Variants in PNO1 observed in about 807,000 individuals in gnomAD.
PNO1 encodes the protein RNA-binding protein PNO1.
In PNO1, 16 loss-of-function variants were observed where a neutral mutation model predicts 28.4. That is an observed-to-expected ratio of 0.56 (90% CI 0.38 to 0.85). The LOEUF (loss-of-function observed/expected upper bound fraction) is 0.85. PNO1 is among the 40% of genes least tolerant of loss of function. PNO1 has a pLI of 0.00. For synonymous variants in PNO1, 115 were observed against 110.8 expected (o/e 1.04, Z -0.24); for missense variants, 304 against 312.2 (o/e 0.97, Z 0.20).
At position 68,165,662 on chromosome 2, in the gene PNO1, G is replaced by A. The variant is rs114235170; in HGVS notation, c.620+2999G>A. 6.0e-3 allele frequency among the ~76,000 whole-genome samples: 901 copies of A among 150,676 alleles called. 5 individuals are homozygous for A. Among genetic ancestry groups the A allele is most frequent in the African/African-American group, 0.021 (864 of 40,870 alleles). ...TTAGGAATTCGAAACCAGCCTGGGCGACAGTGAGACTCTGTCTCAAAAAAA... is the reference window on the plus strand; with the variant it reads ...TTAGGAATTCGAAACCAGCCTGGGCAACAGTGAGACTCTGTCTCAAAAAAA... On this transcript the variant is annotated intron_variant, in intron 5 of 6. Coordinates refer to ENST00000263657, the MANE Select transcript of PNO1 (RefSeq NM_020143.4).
At chr2:68,164,894 C>T (rs1673935193) in intron 5 of PNO1, among the ~76,000 whole-genome samples, 1 of 152,180 alleles carries the variant, frequency 6.6e-6, no homozygotes, top group Non-Finnish European at 1.5e-5. Context: ...AATTAATGAT[C>T]TCATAAGTCA....
At chr2:68,167,162 A>G (rs1055060973) in intron 5 of PNO1, among the ~76,000 whole-genome samples, 1 of 152,170 alleles carries the variant, frequency 6.6e-6, no homozygotes, top group Non-Finnish European at 1.5e-5. Context: ...CTTCCATAGC[A>G]TTGACACTAT....
At chr2:68,158,615 G>A (rs575579106) in intron 2 of PNO1, 86 bp downstream of exon 2, 23 of 1,190,850 alleles carry the variant, frequency 1.9e-5, no homozygotes, top group Middle Eastern at 2.9e-4. Flanking sequence ...TACTTAATGG[G>A]ACTTTTCTGT....
chr2:68,159,072 C>G (rs936608874), intron 2 of PNO1, among the ~76,000 whole-genome samples: 2 of 152,138 alleles, frequency 1.3e-5, no homozygotes, highest in Non-Finnish European at 1.5e-5. Context: ...ACTTGATCTG[C>G]ATTGCCGGTA....
At chr2:68,165,878 C>T (rs927978098) in intron 5 of PNO1, among the ~76,000 whole-genome samples, 3 of 152,058 alleles carry the variant, frequency 2.0e-5, no homozygotes, top group South Asian at 2.1e-4. Flanking sequence ...TTAAGTATCC[C>T]GTTCAATGAG....
At chr2:68,167,580 A>C (rs764191003) in intron 5 of PNO1, among the ~76,000 whole-genome samples, 1 of 152,156 alleles carries the variant, frequency 6.6e-6, no homozygotes, top group Admixed American at 6.6e-5. Context: ...TCCTGCATTA[A>C]ATCCTGGTGT....
At chr2:68,159,208 C>A (rs998347854) in intron 2 of PNO1, among the ~76,000 whole-genome samples, 1 of 151,882 alleles carries the variant, frequency 6.6e-6, no homozygotes, top group African/African-American at 2.4e-5. Context: ...TAATGGTGCT[C>A]TTTTGATTAA....
At chr2:68,172,967 G>C (rs1674168818) in intron 5 of PNO1, 1 of 167,544 alleles carries the variant, frequency 6.0e-6, no homozygotes, top group Admixed American at 6.4e-5. Flanking sequence ...TATATTCATG[G>C]AGTTGTGCAG....
intron 6 of PNO1, among the ~76,000 whole-genome samples, chr2:68,174,388 A>G (rs999233291): frequency 6.7e-6 from 1 of 148,448 alleles, no homozygotes; most frequent in Admixed American, 6.9e-5. Context: ...CTCTGTCTGC[A>G]AGGTCCACAT....
chr2:68,160,538 T>C (rs1228577719), intron 2 of PNO1, among the ~76,000 whole-genome samples: 7 of 152,244 alleles, frequency 4.6e-5, no homozygotes, highest in Non-Finnish European at 1.0e-4. Flanking sequence ...TTGTCCTATT[T>C]ATTGCAGGAT....
chr2:68,173,686 G>A (rs1398133174), intron 6 of PNO1, among the ~76,000 whole-genome samples: 4 of 148,666 alleles, frequency 2.7e-5, no homozygotes, highest in Non-Finnish European at 4.4e-5. Flanking sequence ...AAGTTCAAGC[G>A]ATTCTCCTGC....
Position 68,162,295 on chromosome 2 carries a change from C to G in PNO1, c.472C>G (p.Leu158Val). The part of the protein sequence containing the change: ...DALALIRLDD[L>V]FLESFEITDV... ...ACTTGCCCTCATCAGGTTGGATGAC[C>G]TCTTCCTAGAGTCTTTTGAAATTAC... The change falls in exon 4 of 7, where the codon CTC becomes GTC. Residue 158 changes from leucine to valine, a missense_variant. Leu to Val is a conservative substitution (Grantham distance 32). Transcript: ENST00000263657. 1 of 1,613,226 alleles carries G rather than the reference C, an allele frequency of 6.2e-7. No individual in the cohort carries two copies. Among genetic ancestry groups the G allele is most frequent in the Non-Finnish European group, 8.5e-7 (1 of 1,179,320 alleles).
At chr2:68,163,542 T>TA (rs1673893300) in intron 5 of PNO1, among the ~76,000 whole-genome samples, 2 of 135,252 alleles carry the variant, frequency 1.5e-5, no homozygotes, top group African/African-American at 5.7e-5. Context: ...AATAAATAAA[T>TA]ACATACATAC....
At chr2:68,163,186 A>G (rs543147535) in intron 5 of PNO1, among the ~76,000 whole-genome samples, 6 of 152,336 alleles carry the variant, frequency 3.9e-5, no homozygotes, top group Non-Finnish European at 8.8e-5. Flanking sequence ...TTCTTTTCTC[A>G]TTTAACAATG....
intron 5 of PNO1, among the ~76,000 whole-genome samples, chr2:68,168,616 G>A (rs570245082): frequency 6.6e-6 from 1 of 152,294 alleles, no homozygotes; most frequent in African/African-American, 2.4e-5. Flanking sequence ...TAAGTGTAGG[G>A]TGTATGACTT....
intron 5 of PNO1, among the ~76,000 whole-genome samples, chr2:68,164,864 G>A (rs1012914790): frequency 3.3e-5 from 5 of 152,130 alleles, no homozygotes; most frequent in South Asian, 2.1e-4. Context: ...GTGGGGTTAC[G>A]TCCAGATAAA....
At chr2:68,173,658 C>G (rs891271495) in intron 6 of PNO1, among the ~76,000 whole-genome samples, 5 of 147,094 alleles carry the variant, frequency 3.4e-5, no homozygotes, top group African/African-American at 1.3e-4. Context: ...TCTCGGCTCA[C>G]TGCAACCTCT....
chr2:68,170,674 A>G (rs1398435737), intron 5 of PNO1, among the ~76,000 whole-genome samples: 1 of 143,196 alleles, frequency 7.0e-6, no homozygotes, highest in Non-Finnish European at 1.5e-5. Context: ...CGAGAATCCG[A>G]GAGGCGGAGC....
rs1673831426 is a variant in PNO1, at chr2:68,161,568, AGGT to A, written c.358-107_358-105del. ...GTGTCATACAGAATATATTAGGGAA[AGGT>A]GGTGGTGAAGGAAATTCTCCAATAA... On this transcript the variant is annotated intron_variant, in intron 2 of 6. Coordinates refer to ENST00000263657, the MANE Select transcript of PNO1 (RefSeq NM_020143.4). 2.3e-5 allele frequency: 16 copies of A among 692,200 alleles called. No homozygotes were observed. In the South Asian group the frequency reaches 2.3e-4, roughly 10 times the overall value. 42.9% of individuals were successfully genotyped at this position (692,200 alleles called of 1,614,324 possible).
Sources: gnomAD v4.1 joint callset for allele counts (sites outside exome capture counted in the v4.1 genomes callset) on GRCh38, gnomAD v4.1.1 for gene constraint, MANE v1.5 for transcripts, NCBI Gene and HGNC (gene_info 2026-07-23, HGNC 2026-07-21) for gene names.